RAP1GAP2: variants seen among roughly 807,000 people sequenced by gnomAD.
The protein encoded by RAP1GAP2 is RAP1 GTPase activating protein 2.
A neutral mutation model predicts 95.0 loss-of-function variants in RAP1GAP2; 27 were observed. The observed-to-expected ratio is 0.28, with a 90% CI of 0.21 to 0.39. RAP1GAP2 has a LOEUF of 0.39. RAP1GAP2 is among the 10% of genes least tolerant of loss of function. The pLI is 1.00. For synonymous variants in RAP1GAP2, 373 were observed against 380.9 expected, an observed-to-expected ratio of 0.98 and a Z score of 0.24; for missense variants, 771 against 970.0, an observed-to-expected ratio of 0.79 and a Z score of 2.72.
At chr17:2,788,238 A>G (rs2068837586) in intron 1 of RAP1GAP2, among the ~76,000 whole-genome samples, 2 of 151,928 alleles carry the variant, frequency 1.3e-5, no homozygotes, top group South Asian at 4.2e-4. Flanking sequence ...GTGTGTGTGT[A>G]TGTGTGTGTG....
At chr17:2,927,927 C>T (rs551616778) in intron 3 of RAP1GAP2, among the ~76,000 whole-genome samples, 50 of 152,186 alleles carry the variant, frequency 3.3e-4, no homozygotes, top group Non-Finnish European at 5.6e-4. Flanking sequence ...CCTGATCCCA[C>T]GACCATGAGA....
At chr17:3,013,632 C>CTTTTTTTTTTTTTTTTTTT (rs998163717) in intron 17 of RAP1GAP2, among the ~76,000 whole-genome samples, 1 of 78,878 alleles carries the variant, frequency 1.3e-5, no homozygotes, top group African/African-American at 5.4e-5. Context: ...CTTTTCTTTT[C>CTTTTTTTTTTTTTTTTTTT]TTTTTTTTTT....
At chr17:2,938,448 T>C (rs1369341543) in intron 3 of RAP1GAP2, among the ~76,000 whole-genome samples, 2 of 152,030 alleles carry the variant, frequency 1.3e-5, no homozygotes, top group Non-Finnish European at 2.9e-5. Flanking sequence ...TGACATGTCA[T>C]TAGTGTTGGA....
chr17:2,984,731 GA>G (rs1234170077), intron 10 of RAP1GAP2, among the ~76,000 whole-genome samples: 1 of 152,188 alleles, frequency 6.6e-6, no homozygotes, highest in Admixed American at 6.5e-5. Flanking sequence ...GGCACATCTG[GA>G]TGGGAGTGGA....
At chr17:3,030,250 G>A (rs1330364488) in intron 22 of RAP1GAP2, among the ~76,000 whole-genome samples, 5 of 151,352 alleles carry the variant, frequency 3.3e-5, no homozygotes, top group South Asian at 2.1e-4. Flanking sequence ...AACTTCATTC[G>A]TCAGTGACAT....
At chr17:2,951,966 G>A (rs529121711) in intron 3 of RAP1GAP2, among the ~76,000 whole-genome samples, 2 of 152,138 alleles carry the variant, frequency 1.3e-5, no homozygotes, top group East Asian at 1.9e-4. Flanking sequence ...CCCAGGAGGC[G>A]GAGGTTGCAG....
At position 2,827,867 on chromosome 17, in the gene RAP1GAP2, C is replaced by T. The variant is rs2070644604; in HGVS notation, c.80+27317C>T. 6.6e-6 allele frequency among the ~76,000 whole-genome samples: 1 copy of T among 151,752 alleles called. No individual in the cohort carries two copies. Among genetic ancestry groups the T allele is most frequent in the African/African-American group, 2.4e-5 (1 of 41,312 alleles). ...GGGAGGGTTCATACACGATCGGTTG[C>T]AGCAGGCACGCCAGTGACGGTGGGG... On this transcript the variant is annotated intron_variant, in intron 2 of 24. Coordinates refer to ENST00000254695, the MANE Select transcript of RAP1GAP2 (RefSeq NM_015085.5). The surrounding 1 kb of genome is among the most constrained non-coding windows in gnomAD (Gnocchi z 4.1).
chr17:2,893,687 C>T (rs979893926), intron 2 of RAP1GAP2, among the ~76,000 whole-genome samples: 8 of 152,222 alleles, frequency 5.3e-5, no homozygotes, highest in Admixed American at 3.3e-4. Context: ...GCGCTGGCTG[C>T]CTCTGCTCTG....
intron 17 of RAP1GAP2, among the ~76,000 whole-genome samples, chr17:3,015,218 G>GAGA (rs34231062): frequency 0.68 from 103,384 of 151,468 alleles, 35,399 homozygotes; most frequent in Admixed American, 0.7. Flanking sequence ...GAGGGAGTGA[G>GAGA]AGATGTCCCT....
At chr17:2,948,599 G>C (rs4790394) in intron 3 of RAP1GAP2, among the ~76,000 whole-genome samples, 6,201 of 128,216 alleles carry the variant, frequency 0.048, 269 homozygotes, top group African/African-American at 0.085. Flanking sequence ...AGGGAAGGAA[G>C]AGGTGGCTGC....
intron 1 of RAP1GAP2, among the ~76,000 whole-genome samples, chr17:2,798,942 C>T (rs561513727): frequency 2.0e-5 from 3 of 152,332 alleles, no homozygotes; most frequent in African/African-American, 2.4e-5. Flanking sequence ...GCGGTTCCAG[C>T]GCCGACTCCA....
rs775611711 is a variant in RAP1GAP2 at position 2,995,373 on chromosome 17, A to G, written c.951A>G (p.Thr317=). Residue 317 remains threonine (T), a synonymous_variant, in exon 13 of 25, where the codon ACA becomes ACG. Transcript: ENST00000254695. ...RGGLDVTHGQ[T]GVESVYTTFR... Reference sequence around the variant, plus strand: ...GCCTGGACGTGACCCACGGACAGACAGGGGTGGAATCAGTGTACACAACAT... The same window carrying G: ...GCCTGGACGTGACCCACGGACAGACGGGGGTGGAATCAGTGTACACAACAT... 3.7e-6 allele frequency: 6 copies of G among 1,613,678 alleles called. No individual in the cohort carries two copies. Among genetic ancestry groups the G allele is most frequent in the South Asian group, 2.2e-5 (2 of 91,084 alleles).
chr17:2,821,744 A>T (rs1015090158), intron 2 of RAP1GAP2, among the ~76,000 whole-genome samples: 1 of 152,156 alleles, frequency 6.6e-6, no homozygotes, highest in African/African-American at 2.4e-5. Context: ...CACTAGCCAC[A>T]TCTCAAGGGC....
intron 3 of RAP1GAP2, among the ~76,000 whole-genome samples, chr17:2,920,614 G>C (rs2042730395): frequency 6.6e-6 from 1 of 152,250 alleles, no homozygotes; most frequent in African/African-American, 2.4e-5. Flanking sequence ...ATAGAACGGA[G>C]CTCACCCTGT....
intron 3 of RAP1GAP2, among the ~76,000 whole-genome samples, chr17:2,956,445 G>T (rs1459163699): frequency 6.6e-6 from 1 of 152,200 alleles, no homozygotes; most frequent in Non-Finnish European, 1.5e-5. Flanking sequence ...TGGGAGCAGT[G>T]GGAGCTCCAG....
chr17:2,811,843 T>A (rs910646863), intron 2 of RAP1GAP2, among the ~76,000 whole-genome samples: 1 of 152,042 alleles, frequency 6.6e-6, no homozygotes, highest in African/African-American at 2.4e-5. Context: ...CTTCCTAAAG[T>A]GCTGGGATTA....
At chr17:2,763,131 A>G (rs983746070) in intron 1 of RAP1GAP2, among the ~76,000 whole-genome samples, 4 of 152,196 alleles carry the variant, frequency 2.6e-5, no homozygotes, top group African/African-American at 7.2e-5. Context: ...CTTATATTCA[A>G]TGCAATCCAA....
At chr17:2,795,026 T>C (rs1394088082), upstream of RAP1GAP2, among the ~76,000 whole-genome samples, 1 of 151,910 alleles carries the variant, frequency 6.6e-6, no homozygotes, top group African/African-American at 2.4e-5. Context: ...TATAGGTACC[T>C]GCCATCATGC....
In RAP1GAP2 at chr17:2,998,300, T is replaced by C. The variant is rs1260592197; in HGVS notation, c.1124T>C (p.Met375Thr). The C allele has an allele frequency of 3.7e-6, 6 of 1,613,924 alleles. No homozygotes were observed. Among genetic ancestry groups the C allele is most frequent in the Middle Eastern group, 1.6e-4 (1 of 6,084 alleles). ...GAAAACACGCCGTTTGTCCCAGACA[T>C]GATAGCCTCCAATTTCTTACATGCC... is the stretch of plus-strand genomic sequence containing the variant. ...QEENTPFVPDMIASNFLHAYI... is the reference protein window; with the variant it reads ...QEENTPFVPDTIASNFLHAYI... Residue 375 changes from methionine to threonine, a missense_variant, in exon 14 of 25, where the codon ATG (methionine) becomes ACG (threonine). Coordinates refer to ENST00000254695, the MANE Select transcript of RAP1GAP2 (RefSeq NM_015085.5).
Sources: gnomAD v4.1 joint callset for allele counts (sites outside exome capture counted in the v4.1 genomes callset) on GRCh38, gnomAD v4.1.1 for gene constraint, Gnocchi (gnomAD v3.1) non-coding constraint, MANE v1.5 for transcripts, NCBI Gene and HGNC (gene_info 2026-07-23, HGNC 2026-07-21) for gene names.